Variants in NAV2 observed in about 807,000 individuals in gnomAD.
NAV2 encodes the protein neuron navigator 2.
In NAV2, 54 loss-of-function variants were observed where a neutral mutation model predicts 223.2. The observed-to-expected ratio is 0.24, with a 90% CI of 0.19 to 0.30. The LOEUF (loss-of-function observed/expected upper bound fraction) is 0.30, where lower values mean the gene tolerates loss of function less well. Among genes scored for constraint, NAV2 ranks in the 10% least tolerant of loss-of-function variants. The pLI, the probability that NAV2 is intolerant of heterozygous loss-of-function variation, is 1.00. For synonymous variants in NAV2, 1,279 were observed against 1,239.3 expected, an observed-to-expected ratio of 1.03 and a Z score of -0.67; for missense variants, 2,806 against 3,147.5, an observed-to-expected ratio of 0.89 and a Z score of 2.60.
chr11:19,687,810 G>A (rs1412892490), intron 1 of NAV2, among the ~76,000 whole-genome samples: 1 of 152,144 alleles, frequency 6.6e-6, no homozygotes, highest in Non-Finnish European at 1.5e-5. Context: ...TGTGAACTTT[G>A]TTGGCAGGAG....
chr11:19,726,666 C>A (rs1295772752), intron 1 of NAV2, among the ~76,000 whole-genome samples: 1 of 152,140 alleles, frequency 6.6e-6, no homozygotes, highest in African/African-American at 2.4e-5. Context: ...TCTTTTCTGC[C>A]CACTTTTTGT....
At chr11:19,644,123 C>G (rs889704339) in intron 1 of NAV2, among the ~76,000 whole-genome samples, 13 of 152,088 alleles carry the variant, frequency 8.5e-5, no homozygotes, top group Non-Finnish European at 1.6e-4. Context: ...TTTTGTTGCC[C>G]TGGAGGGGGA....
rs185049541 is a variant in NAV2 at position 20,018,146 on chromosome 11, G to C, written c.2769-17813G>C. Among the ~76,000 whole-genome samples the C allele has an allele frequency of 2.2e-3, 341 of 152,190 alleles. 1 individual carries two copies. Among genetic ancestry groups the C allele is most frequent in the African/African-American group, 7.8e-3 (324 of 41,538 alleles). ...AGGCAGGCGGATCACTTGAGATCAG[G>C]AGTTTGAGACCAGCCTGGCCAACAT... On this transcript the variant is annotated intron_variant, in intron 11 of 37. Coordinates refer to ENST00000349880, the MANE Select transcript of NAV2 (RefSeq NM_145117.5).
chr11:19,598,638 A>T (rs570483902), intron 1 of NAV2, among the ~76,000 whole-genome samples: 1 of 152,276 alleles, frequency 6.6e-6, no homozygotes, highest in African/African-American at 2.4e-5. Flanking sequence ...CCTCATTTGC[A>T]GATGAGGAAA....
intron 2 of NAV2, among the ~76,000 whole-genome samples, chr11:19,840,831 A>C (rs2060475257): frequency 6.6e-6 from 1 of 152,148 alleles, no homozygotes; most frequent in Non-Finnish European, 1.5e-5. Context: ...TCTTAGTTCC[A>C]CTCAACAAGT....
At chr11:19,684,761 G>A (rs898442435) in intron 1 of NAV2, among the ~76,000 whole-genome samples, 2 of 152,064 alleles carry the variant, frequency 1.3e-5, no homozygotes, top group African/African-American at 4.8e-5. Flanking sequence ...AGCCCTTCCG[G>A]GATGATTGAC....
At chr11:19,781,115 A>T (rs75724930) in intron 1 of NAV2, among the ~76,000 whole-genome samples, 5,252 of 152,306 alleles carry the variant, frequency 0.034, 138 homozygotes, top group Non-Finnish European at 0.054. Flanking sequence ...CATTATTCAG[A>T]TAAAGAAATT....
At chr11:19,768,780 G>C (rs553254127) in intron 1 of NAV2, among the ~76,000 whole-genome samples, 1 of 152,318 alleles carries the variant, frequency 6.6e-6, no homozygotes, top group South Asian at 2.1e-4. Context: ...CTTAACACTT[G>C]TGTACCTCCA....
At chr11:20,096,856 A>G (rs1047264961) in intron 30 of NAV2, among the ~76,000 whole-genome samples, 1 of 152,188 alleles carries the variant, frequency 6.6e-6, no homozygotes, top group Non-Finnish European at 1.5e-5. Flanking sequence ...TAGGCCAAAA[A>G]CTTATCTCTG....
chr11:19,911,287 A>G (rs1565542921), intron 6 of NAV2, among the ~76,000 whole-genome samples: 1 of 152,226 alleles, frequency 6.6e-6, no homozygotes, highest in Non-Finnish European at 1.5e-5. Flanking sequence ...TGGAGGAGTC[A>G]GGAAGATATC....
chr11:20,050,952 G>A (rs1293985219), intron 16 of NAV2, among the ~76,000 whole-genome samples: 1 of 152,220 alleles, frequency 6.6e-6, no homozygotes, highest in Non-Finnish European at 1.5e-5. Flanking sequence ...GAGTGCCCCT[G>A]GGCAGTAGAA....
chr11:19,686,728 C>T (rs760216369), intron 1 of NAV2, among the ~76,000 whole-genome samples: 3 of 152,174 alleles, frequency 2.0e-5, no homozygotes, highest in Admixed American at 2.0e-4. Flanking sequence ...CGAGGAGGCC[C>T]GGATTATCAC....
At chr11:19,689,410 A>G (rs1441753959) in intron 1 of NAV2, among the ~76,000 whole-genome samples, 1 of 152,216 alleles carries the variant, frequency 6.6e-6, no homozygotes, top group East Asian at 1.9e-4. Flanking sequence ...ACTGCAAGGT[A>G]GGGACATGGG....
intron 12 of NAV2, among the ~76,000 whole-genome samples, chr11:20,040,949 G>C (rs1335221134): frequency 6.6e-6 from 1 of 152,152 alleles, no homozygotes; most frequent in Non-Finnish European, 1.5e-5. Flanking sequence ...TGACCACCCT[G>C]GACCAAGCTA....
intron 1 of NAV2, among the ~76,000 whole-genome samples, chr11:19,750,995 A>G (rs1197699470): frequency 6.6e-6 from 1 of 152,224 alleles, no homozygotes; most frequent in Non-Finnish European, 1.5e-5. Flanking sequence ...GCTGGCTGGT[A>G]CTATCTCTTG....
chr11:19,354,980 G>T (rs1853532538), intron 1 of NAV2, among the ~76,000 whole-genome samples: 2 of 152,200 alleles, frequency 1.3e-5, no homozygotes, highest in South Asian at 4.1e-4. Flanking sequence ...ACTCTTGTCA[G>T]ATTCAAATTC....
intron 1 of NAV2, among the ~76,000 whole-genome samples, chr11:19,365,200 C>T (rs1351199583): frequency 6.6e-6 from 1 of 152,190 alleles, no homozygotes; most frequent in African/African-American, 2.4e-5. Context: ...TCTACCTTCA[C>T]CTCATTCTTT....
At chr11:19,401,335 G>A (rs1277977154) in intron 1 of NAV2, among the ~76,000 whole-genome samples, 1 of 152,174 alleles carries the variant, frequency 6.6e-6, no homozygotes, top group Non-Finnish European at 1.5e-5. Context: ...CAGCAGCCAC[G>A]AATTGCCAGC....
At chr11:19,676,290 A>G (rs1367136302) in intron 1 of NAV2, among the ~76,000 whole-genome samples, 1 of 151,232 alleles carries the variant, frequency 6.6e-6, no homozygotes, top group Non-Finnish European at 1.5e-5. Flanking sequence ...TGGGTTCATA[A>G]CTGGCTCTCC....
Sources: allele counts gnomAD v4.1 joint callset (sites outside exome capture counted in the v4.1 genomes callset), GRCh38; gene constraint gnomAD v4.1.1; transcripts MANE v1.5; gene names NCBI Gene and HGNC (gene_info 2026-07-23, HGNC 2026-07-21).